Variants in ARHGAP19 observed in about 807,000 individuals in gnomAD.
ARHGAP19 encodes rho GTPase-activating protein 19.
A neutral mutation model predicts 60.9 loss-of-function variants in ARHGAP19; 48 were observed. The ratio of observed to expected loss-of-function variants is 0.79; its 90% CI spans 0.62 to 1.00. The LOEUF is 1.00. Among genes scored for constraint, ARHGAP19 ranks in the 50% least tolerant of loss-of-function variants. The pLI, the probability that ARHGAP19 is intolerant of heterozygous loss-of-function variation, is 0.00. For synonymous variants in ARHGAP19, 209 were observed against 215.5 expected (o/e 0.97, Z 0.27); for missense variants, 562 against 597.2 (o/e 0.94, Z 0.61).
chr10:97,240,334 T>C lies in ARHGAP19; in HGVS notation c.1185+3634A>G, dbSNP rs150031697. ...GTAGTAGGCAAATTATGTATAAATTTGGTTACACAGAATAGAATATTATAT... is the reference window on the plus strand; with the variant it reads ...GTAGTAGGCAAATTATGTATAAATTCGGTTACACAGAATAGAATATTATAT... On this transcript the variant is annotated intron_variant, in intron 8 of 11. Coordinates refer to ENST00000358531, the MANE Select transcript of ARHGAP19 (RefSeq NM_032900.6). Among the ~76,000 whole-genome samples, 873 of 152,326 alleles carry C rather than the reference T, an allele frequency of 5.7e-3. 4 individuals are homozygous for C. Among genetic ancestry groups the C allele is most frequent in the Admixed American group, 0.014 (209 of 15,300 alleles).
At chr10:97,282,801 A>C (rs1329073111) in intron 1 of ARHGAP19, among the ~76,000 whole-genome samples, 1 of 148,686 alleles carries the variant, frequency 6.7e-6, no homozygotes, top group East Asian at 1.9e-4. Flanking sequence ...TAACCTATTA[A>C]ATGTTCTCTG....
intron 1 of ARHGAP19, among the ~76,000 whole-genome samples, chr10:97,287,690 C>A (rs1378579475): frequency 6.6e-6 from 1 of 152,108 alleles, no homozygotes; most frequent in Non-Finnish European, 1.5e-5. Flanking sequence ...CTATAGTAAG[C>A]CATCATCATG....
Position 97,229,823 on chromosome 10 carries a change from T to C in ARHGAP19, c.1336A>G (p.Thr446Ala), listed in dbSNP as rs926177655. 7.4e-6 allele frequency: 12 copies of C among 1,613,092 alleles called. No homozygotes were observed. The highest frequency in any genetic ancestry group is 6.7e-5 in the East Asian group (3 of 44,850). ...TCACCAATGGCCACAGATTCTGGAG[T>C]AGGGTTCTTCTTTTTCTTTTCTGAC... Reference protein sequence around the residue: ...MMSEKKKKNPTPESVAIGELK... With the variant: ...MMSEKKKKNPAPESVAIGELK... The change falls in exon 10 of 12, where the codon ACT becomes GCT. Residue 446 changes from threonine (T) to alanine (A), a missense_variant. Thr to Ala is a moderately conservative substitution (Grantham distance 58). Transcript: ENST00000358531.
intron 11 of ARHGAP19, among the ~76,000 whole-genome samples, chr10:97,228,400 C>T (rs1375998633): frequency 6.6e-6 from 1 of 152,110 alleles, no homozygotes; most frequent in Non-Finnish European, 1.5e-5. Context: ...CAATGTGCTG[C>T]CAAAACATTA....
Position 97,259,610 on chromosome 10 carries a change from T to C in ARHGAP19, c.632A>G (p.Asp211Gly), listed in dbSNP as rs1315369619. The change falls in exon 5 of 12, where the codon GAT (aspartate) becomes GGT (glycine). Residue 211 changes from aspartate to glycine, a missense_variant. By Grantham distance (94) the Asp-to-Gly change is moderately conservative (BLOSUM62 -1). Coordinates refer to ENST00000358531, the MANE Select transcript of ARHGAP19 (RefSeq NM_032900.6). ...TGGTATATTGGTCTTGTTTCCTTTA[T>C]CATCAAACTGCATCAAATCTTGAGG... is the stretch of plus-strand genomic sequence containing the variant. The part of the protein sequence containing the change: ...LKIADLMQFD[D>G]KGNKTNIPDK... 4 of 1,614,032 alleles carry C rather than the reference T, an allele frequency of 2.5e-6. No homozygotes were observed. Among genetic ancestry groups the C allele is most frequent in the East Asian group, 4.5e-5 (2 of 44,874 alleles).
intron 9 of ARHGAP19, among the ~76,000 whole-genome samples, chr10:97,230,954 G>C (rs1396245264): frequency 6.7e-6 from 1 of 149,994 alleles, no homozygotes; most frequent in African/African-American, 2.4e-5. Context: ...CTACTCGGGA[G>C]GCCGAGGCAT....
At chr10:97,254,952 A>C (rs761144772) in intron 6 of ARHGAP19, among the ~76,000 whole-genome samples, 8 of 152,200 alleles carry the variant, frequency 5.3e-5, no homozygotes, top group Non-Finnish European at 1.2e-4. Context: ...GCTAAGTATA[A>C]ATAAGGCAGT....
At position 97,232,311 on chromosome 10, in the gene ARHGAP19, A is replaced by G. The variant is rs111452156; in HGVS notation, c.1285-2437T>C. ...CCTGAGTAGCTGGGACTACAGGCAC[A>G]TGCCAACATGCCCGGCTAATTTTTT... On this transcript the variant is annotated intron_variant, in intron 9 of 11. Transcript: ENST00000358531. 2.8e-3 allele frequency among the ~76,000 whole-genome samples: 422 copies of G among 151,808 alleles called. 2 individuals are homozygous for G. The highest frequency in any genetic ancestry group is 0.01 in the Middle Eastern group (3 of 294).
chr10:97,231,063 A>AG (rs1175417289), intron 9 of ARHGAP19, among the ~76,000 whole-genome samples: 5 of 33,148 alleles, frequency 1.5e-4, no homozygotes, highest in African/African-American at 3.7e-4. Context: ...TCTCACCAAA[A>AG]AAAAAAAAAA....
At chr10:97,251,846 A>C (rs1024961053) in intron 6 of ARHGAP19, among the ~76,000 whole-genome samples, 2 of 147,610 alleles carry the variant, frequency 1.4e-5, no homozygotes, top group African/African-American at 2.5e-5. Flanking sequence ...TGAGCTGAAA[A>C]AATATCCAGA....
intron 6 of ARHGAP19, among the ~76,000 whole-genome samples, chr10:97,247,950 T>G (rs536979004): frequency 1.4e-5 from 2 of 147,372 alleles, no homozygotes; most frequent in African/African-American, 2.5e-5. Context: ...AAGTATATCT[T>G]TTAATGTGGT....
intron 4 of ARHGAP19, among the ~76,000 whole-genome samples, chr10:97,262,194 A>T (rs1159340545): frequency 2.9e-5 from 2 of 68,110 alleles, no homozygotes; most frequent in African/African-American, 8.5e-5. Flanking sequence ...AAAAAAAAAA[A>T]AAATTTTTTT....
intron 1 of ARHGAP19, among the ~76,000 whole-genome samples, chr10:97,287,802 C>A (rs1475408726): frequency 6.6e-6 from 1 of 152,194 alleles, no homozygotes; most frequent in Admixed American, 6.5e-5. Context: ...GTGGCTCACG[C>A]CTGTAATCCC....
intron 6 of ARHGAP19, 111 bp from the exon 7 acceptor site, chr10:97,246,448 A>G (rs1169628007): frequency 3.6e-6 from 3 of 830,918 alleles, no homozygotes; most frequent in Middle Eastern, 2.6e-4. Context: ...GATTACTTTT[A>G]AAAAGCCAAA....
chr10:97,267,909 A>G (rs927922503), intron 1 of ARHGAP19, among the ~76,000 whole-genome samples: 3 of 152,232 alleles, frequency 2.0e-5, no homozygotes, highest in African/African-American at 7.2e-5. Context: ...TGCTGCTACA[A>G]AGGTCTCTGG....
intron 8 of ARHGAP19, among the ~76,000 whole-genome samples, chr10:97,241,950 C>T (rs1842489578): frequency 6.7e-6 from 1 of 150,160 alleles, no homozygotes; most frequent in South Asian, 2.1e-4. Context: ...GCGGAGCTTG[C>T]AGTGAGTGGA....
rs567206782 is a variant in ARHGAP19 at position 97,254,837 on chromosome 10, G to C, written c.927+1481C>G. Among the ~76,000 whole-genome samples, 3 of 152,292 alleles carry C rather than the reference G, an allele frequency of 2.0e-5. No homozygotes were observed. The East Asian group carries it at 5.8e-4, about 29-fold the overall frequency. ...AGGGATATCCATCAACTGATGAACAGATAAGCAAAATGTGGTATATACACA... is the reference window on the plus strand; with the variant it reads ...AGGGATATCCATCAACTGATGAACACATAAGCAAAATGTGGTATATACACA... On this transcript the variant is annotated intron_variant, in intron 6 of 11. Coordinates refer to ENST00000358531, the MANE Select transcript of ARHGAP19 (RefSeq NM_032900.6).
intron 8 of ARHGAP19, among the ~76,000 whole-genome samples, chr10:97,239,103 TGTAAGTACAC>T (rs889367779): frequency 1.3e-5 from 2 of 152,214 alleles, no homozygotes; most frequent in Non-Finnish European, 2.9e-5. Context: ...TCTAGGTTTA[TGTAAGTACAC>T]TCTATGATGT....
rs993895810 is a variant in ARHGAP19, at chr10:97,229,834, T to G, written c.1325A>C (p.Lys442Thr). ...LGNQMMSEKK[K>T]KNPTPESVAI... The stretch of plus-strand genomic sequence containing the variant: ...CACAGATTCTGGAGTAGGGTTCTTC[T>G]TTTTCTTTTCTGACATCATCTGATT... The change falls in exon 10 of 12, where the codon AAG (lysine) becomes ACG (threonine). Residue 442 changes from lysine (K) to threonine (T), a missense_variant. Coordinates refer to ENST00000358531, the MANE Select transcript of ARHGAP19 (RefSeq NM_032900.6). 2 of 1,612,868 alleles carry G rather than the reference T, an allele frequency of 1.2e-6. No homozygotes were observed. Among genetic ancestry groups the G allele is most frequent in the Admixed American group, 3.3e-5 (2 of 59,816 alleles).
Sources: allele counts gnomAD v4.1 joint callset (sites outside exome capture counted in the v4.1 genomes callset), GRCh38; gene constraint gnomAD v4.1.1; transcripts MANE v1.5; gene names NCBI Gene and HGNC (gene_info 2026-07-23, HGNC 2026-07-21).